The following ADGRA2 variants were observed in gnomAD, a reference collection of about 807,000 sequenced individuals.
ADGRA2 encodes the protein G-protein coupled receptor 124.
A neutral mutation model predicts 98.7 loss-of-function variants in ADGRA2; 61 were observed. The ratio of observed to expected loss-of-function variants is 0.62; its 90% CI spans 0.50 to 0.76. The LOEUF is 0.76. ADGRA2 is among the 30% of genes least tolerant of loss of function. The pLI, the probability that ADGRA2 is intolerant of heterozygous loss-of-function variation, is 0.00. For missense variants in ADGRA2, 1,712 were observed against 1,860.0 expected (o/e 0.92, Z 1.46); for synonymous variants, 858 against 831.5 (o/e 1.03, Z -0.55).
chr8:37,823,984 CT>C (rs1451116757), intron 2 of ADGRA2, among the ~76,000 whole-genome samples: 3 of 151,780 alleles, frequency 2.0e-5, no homozygotes, highest in African/African-American at 7.3e-5. Flanking sequence ...CAAATATTTT[CT>C]CTCATTCTGT....
Position 37,844,361 on chromosome 8 carries a change from A to C in ADGRA2, c.*2006A>C, listed in dbSNP as rs1427889694. 1.4e-5 allele frequency: 17 copies of C among 1,257,690 alleles called. 1 individual carries two copies. The highest frequency in any genetic ancestry group is 1.9e-5 in the Non-Finnish European group (17 of 899,572). The allele number at this position is 1,257,690 out of a possible 1,614,324, so 77.9% of individuals were successfully genotyped here. ...CAGGACCCAGGGTCCAACTAATGGCAGAGCCCCTCTTGGTTCCTTCAAACA... is the reference window on the plus strand; with the variant it reads ...CAGGACCCAGGGTCCAACTAATGGCCGAGCCCCTCTTGGTTCCTTCAAACA... On this transcript the variant is annotated 3_prime_UTR_variant, in exon 19 of 19. Coordinates refer to ENST00000412232, the MANE Select transcript of ADGRA2 (RefSeq NM_032777.10).
chr8:37,841,896 G>A lies in ADGRA2; in HGVS notation c.3558G>A (p.Arg1186=), dbSNP rs776839480. 4.2e-5 allele frequency: 65 copies of A among 1,533,588 alleles called. No individual in the cohort carries two copies. The highest frequency in any genetic ancestry group is 5.5e-5 in the Non-Finnish European group (63 of 1,146,660). The allele number at this position is 1,533,588 out of a possible 1,614,324, so 95.0% of individuals were successfully genotyped here. The change falls in exon 19 of 19, where the codon CGG becomes CGA. Residue 1186 remains arginine (R), a synonymous_variant. Transcript: ENST00000412232. This position sits in a 1 kb window ranked among gnomAD's most constrained non-coding sequence, Gnocchi z 5.0. ...VHHGRRAHKS[R]AKGHRAGEAC... is the part of the protein sequence containing the mutation. The stretch of plus-strand genomic sequence containing the variant: ...ACGGGCGTCGGGCGCACAAGAGCCG[G>A]GCCAAGGGACACCGCGCGGGGGAGG...
At position 37,816,593 on chromosome 8, in the gene ADGRA2, AACACAC is replaced by A. The variant is rs545433349; in HGVS notation, c.338+1663_338+1668del. 6.0e-3 allele frequency among the ~76,000 whole-genome samples: 784 copies of A among 131,328 alleles called. 4 individuals are homozygous for A. Among genetic ancestry groups the A allele is most frequent in the African/African-American group, 0.016 (547 of 34,174 alleles). 86.2% of individuals were successfully genotyped at this position (131,328 alleles called of 152,430 possible). A position where few individuals can be genotyped will look rare whatever the true frequency, so the allele number is the denominator to read the frequency against. The stretch of plus-strand genomic sequence containing the variant: ...TGTGACAGAGCGAGACTCCGTCTCA[AACACAC>A]ACACACACACACACACACACACACA... On this transcript the variant is annotated intron_variant, in intron 2 of 18. Coordinates refer to ENST00000412232, the MANE Select transcript of ADGRA2 (RefSeq NM_032777.10).
At chr8:37,804,195 C>T (rs1181252933) in intron 1 of ADGRA2, among the ~76,000 whole-genome samples, 1 of 151,428 alleles carries the variant, frequency 6.6e-6, no homozygotes, top group African/African-American at 2.4e-5. Context: ...AGGGCTCCTG[C>T]CTCCCATCCC....
chr8:37,820,041 G>T (rs570072197), intron 2 of ADGRA2, among the ~76,000 whole-genome samples: 1 of 152,286 alleles, frequency 6.6e-6, no homozygotes, highest in South Asian at 2.1e-4. Context: ...TGTAGGGCAG[G>T]CCAGCAGTCT....
chr8:37,839,542 T>G lies in ADGRA2; in HGVS notation c.2431T>G (p.Leu811Val). 6.2e-7 allele frequency: 1 copy of G among 1,614,192 alleles called. No individual in the cohort carries two copies. The highest frequency in any genetic ancestry group is 1.1e-5 in the South Asian group (1 of 91,086). Residue 811 changes from leucine to valine, a missense_variant, in exon 16 of 19, where the codon TTG becomes GTG. By Grantham distance (32) the Leu-to-Val change is conservative (BLOSUM62 1). Coordinates refer to ENST00000412232, the MANE Select transcript of ADGRA2 (RefSeq NM_032777.10). ...SRKGWHMLLN[L>V]CFHIAMTSAV... ...GAAAGGCTGGCACATGCTGCTGAAC[T>G]TGTGCTTCCACATAGCCATGACCTC... is the stretch of plus-strand genomic sequence containing the variant.
chr8:37,817,698 C>A (rs577615951), intron 2 of ADGRA2, among the ~76,000 whole-genome samples: 1 of 150,502 alleles, frequency 6.6e-6, no homozygotes, highest in South Asian at 2.1e-4. Context: ...AAGAGTGAGA[C>A]CCTGTCTCTC....
rs755256839 is a variant in ADGRA2 at position 37,832,982 on chromosome 8, A to G, written c.1098-28A>G. ...GCTGTTGTTCTGAGAAGCCCGGTTC[A>G]TCGGCAACTTCCTGCCTCTCCCCCC... On this transcript the variant is annotated intron_variant, in intron 8 of 18. Coordinates refer to ENST00000412232, the MANE Select transcript of ADGRA2 (RefSeq NM_032777.10). 10 of 1,581,690 alleles carry G rather than the reference A, an allele frequency of 6.3e-6. No homozygotes were observed. In the East Asian group the frequency reaches 1.8e-4, roughly 28 times the overall value.
chr8:37,841,588 T>A lies in ADGRA2; in HGVS notation c.3250T>A (p.Cys1084Ser), dbSNP rs199842189. ...RDVRASWRAC[C>S]PPASPAAPHA... is the part of the protein sequence containing the mutation. ...CGTGAGAGCCTCGTGGCGCGCCTGCTGCCCCCCTGCCTCTCCCGCGGCCCC... is the reference window on the plus strand; with the variant it reads ...CGTGAGAGCCTCGTGGCGCGCCTGCAGCCCCCCTGCCTCTCCCGCGGCCCC... The change falls in exon 19 of 19, where the codon TGC (cysteine) becomes AGC (serine). Residue 1084 changes from cysteine (C) to serine (S), a missense_variant. Transcript: ENST00000412232. The surrounding 1 kb of genome is among the most constrained non-coding windows in gnomAD (Gnocchi z 5.0). 2,664 of 1,566,908 alleles carry A rather than the reference T, an allele frequency of 1.7e-3. 41 individuals are homozygous for A. The African/African-American group carries it at 0.032, about 19-fold the overall frequency.
chr8:37,844,145 C>T lies in ADGRA2; in HGVS notation c.*1790C>T, dbSNP rs1805901181. 3.9e-6 allele frequency: 1 copy of T among 258,338 alleles called. No homozygotes were observed. The highest frequency in any genetic ancestry group is 7.0e-5 in the South Asian group (1 of 14,256). The allele number at this position is 258,338 out of a possible 1,614,324, so 16.0% of individuals were successfully genotyped here. A position where few individuals can be genotyped will look rare whatever the true frequency, so the allele number is the denominator to read the frequency against. On this transcript the variant is annotated 3_prime_UTR_variant, in exon 19 of 19. Transcript: ENST00000412232. ...CAACCACTCCACAAGCAGAGGGAAGCCCCCTCAGGCCTGCAGGAGGAGCCG... is the reference window on the plus strand; with the variant it reads ...CAACCACTCCACAAGCAGAGGGAAGTCCCCTCAGGCCTGCAGGAGGAGCCG...
rs1216016644 is a variant in ADGRA2 at position 37,834,834 on chromosome 8, C to G, written c.1609-340C>G. On this transcript the variant is annotated intron_variant, in intron 11 of 18. Transcript: ENST00000412232. The surrounding 1 kb of genome is among the most constrained non-coding windows in gnomAD (Gnocchi z 4.2). Reference sequence around the variant, plus strand: ...TTGAGGCCTGGAATTTGAGACTAGCCTGGGCAACATGGTGAAACCCCATCT... The same window carrying G: ...TTGAGGCCTGGAATTTGAGACTAGCGTGGGCAACATGGTGAAACCCCATCT... 6.6e-6 allele frequency among the ~76,000 whole-genome samples: 1 copy of G among 152,034 alleles called. No homozygotes were observed. The highest frequency in any genetic ancestry group is 2.4e-5 in the African/African-American group (1 of 41,388).
chr8:37,835,252 A>AGGAG lies in ADGRA2; in HGVS notation c.1698_1701dup (p.Val568ArgfsTer17). 2 of 1,613,844 alleles carry AGGAG rather than the reference A, an allele frequency of 1.2e-6. No homozygotes were observed. The highest frequency in any genetic ancestry group is 1.7e-6 in the Non-Finnish European group (2 of 1,179,930). On this transcript the variant is annotated frameshift_variant, in exon 12 of 19. Transcript: ENST00000412232. LOFTEE classifies it high-confidence loss of function. ...GGGCCTGACCTGCACAGCCTTCCAG[A>AGGAG]GGAGGGAGGGAGGGGTGCCGGGCAC...
intron 2 of ADGRA2, among the ~76,000 whole-genome samples, chr8:37,821,169 G>A (rs1805115270): frequency 6.6e-6 from 1 of 152,132 alleles, no homozygotes; most frequent in Admixed American, 6.5e-5. Flanking sequence ...GACTCCATTT[G>A]GTGTGAAAAG....
rs752575710 is a variant in ADGRA2 at position 37,802,473 on chromosome 8, GAA to G, written c.266+4940_266+4941del. On this transcript the variant is annotated intron_variant, in intron 1 of 18. Coordinates refer to ENST00000412232, the MANE Select transcript of ADGRA2 (RefSeq NM_032777.10). This position sits in a 1 kb window ranked among gnomAD's most constrained non-coding sequence, Gnocchi z 4.7. ...GAAAGAGCAAAGAAAAAGAAGGAAA[GAA>G]GAGAGGGAAGAGGCCAGAGACAGAG... is the stretch of plus-strand genomic sequence containing the variant. Among the ~76,000 whole-genome samples, 30 of 152,112 alleles carry G rather than the reference GAA, an allele frequency of 2.0e-4. No homozygotes were observed. Among genetic ancestry groups the G allele is most frequent in the Non-Finnish European group, 3.8e-4 (26 of 68,008 alleles).
chr8:37,805,977 G>A (rs1182092575), intron 1 of ADGRA2, among the ~76,000 whole-genome samples: 1 of 152,008 alleles, frequency 6.6e-6, no homozygotes, highest in Non-Finnish European at 1.5e-5. Context: ...GACCAACCTG[G>A]GCAACATAGT....
At chr8:37,840,943 A>C in intron 18 of ADGRA2, 94 bp downstream of exon 18, 3 of 943,814 alleles carry the variant, frequency 3.2e-6, no homozygotes. Context: ...CCACCCAGCC[A>C]TAACCCAACC....
Position 37,831,559 on chromosome 8 carries a change from C to T in ADGRA2, c.1069C>T (p.Arg357Cys), listed in dbSNP as rs373198805. 52 of 1,613,704 alleles carry T rather than the reference C, an allele frequency of 3.2e-5. No homozygotes were observed. The highest frequency in any genetic ancestry group is 4.2e-5 in the Non-Finnish European group (49 of 1,180,030). The stretch of plus-strand genomic sequence containing the variant: ...CTCTGCCTCCTACTGCCCCGCCGAG[C>T]GTGTTGCCAACAACCGCGGGGACTT... The part of the protein sequence containing the change: ...ETSASYCPAE[R>C]VANNRGDFRW... The change falls in exon 8 of 19, where the codon CGT becomes TGT. Residue 357 changes from arginine (R) to cysteine (C), a missense_variant. Arg to Cys is a radical substitution (Grantham distance 180, BLOSUM62 -3). Coordinates refer to ENST00000412232, the MANE Select transcript of ADGRA2 (RefSeq NM_032777.10).
chr8:37,816,088 A>G (rs771859228), intron 2 of ADGRA2, among the ~76,000 whole-genome samples: 1 of 152,222 alleles, frequency 6.6e-6, no homozygotes, highest in African/African-American at 2.4e-5. Flanking sequence ...AGCCCAGGCA[A>G]TTGCAGTCCA....
Position 37,842,395 on chromosome 8 carries a change from C to A in ADGRA2, c.*40C>A. 1 of 1,431,942 alleles carries A rather than the reference C, an allele frequency of 7.0e-7. No homozygotes were observed. The highest frequency in any genetic ancestry group is 2.8e-5 in the East Asian group (1 of 36,300). The allele number at this position is 1,431,942 out of a possible 1,614,324, so 88.7% of individuals were successfully genotyped here. ...CGCGGTAGACGGGCTGGCCACGCGG[C>A]TCGTTCCCCCGCTCCTCGGGGCCCT... On this transcript the variant is annotated 3_prime_UTR_variant, in exon 19 of 19. Coordinates refer to ENST00000412232, the MANE Select transcript of ADGRA2 (RefSeq NM_032777.10).
Sources: allele counts gnomAD v4.1 joint callset (sites outside exome capture counted in the v4.1 genomes callset), GRCh38; gene constraint gnomAD v4.1.1; non-coding constraint Gnocchi (gnomAD v3.1); transcripts MANE v1.5; gene names NCBI Gene and HGNC (gene_info 2026-07-23, HGNC 2026-07-21).